The following SPOCK3 variants were observed in gnomAD, a reference collection of about 807,000 sequenced individuals.
SPOCK3 encodes the protein SPARC (osteonectin), cwcv and kazal like domains proteoglycan 3.
A neutral mutation model predicts 56.6 loss-of-function variants in SPOCK3; 30 were observed. The ratio of observed to expected loss-of-function variants is 0.53; its 90% CI spans 0.40 to 0.72. The LOEUF (loss-of-function observed/expected upper bound fraction) is 0.72. Among genes scored for constraint, SPOCK3 ranks in the 30% least tolerant of loss-of-function variants. SPOCK3 has a pLI of 0.00. For synonymous variants in SPOCK3, 196 were observed against 183.3 expected (o/e 1.07, Z -0.56); for missense variants, 527 against 530.0 (o/e 0.99, Z 0.06).
chr4:166,870,325 T>C (rs1732324266), intron 6 of SPOCK3, among the ~76,000 whole-genome samples: 1 of 152,074 alleles, frequency 6.6e-6, no homozygotes, highest in Non-Finnish European at 1.5e-5. Flanking sequence ...AAAAAATTAG[T>C]AAGTGTATCG....
intron 2 of SPOCK3, among the ~76,000 whole-genome samples, chr4:167,093,596 T>C (rs994078301): frequency 7.9e-5 from 12 of 152,330 alleles, no homozygotes; most frequent in African/African-American, 2.9e-4. Flanking sequence ...TCCAGCTTCA[T>C]CCATGTTCCT....
At chr4:167,150,276 T>C (rs1764305143) in intron 2 of SPOCK3, among the ~76,000 whole-genome samples, 1 of 152,138 alleles carries the variant, frequency 6.6e-6, no homozygotes, top group East Asian at 1.9e-4. Flanking sequence ...AAGGTCAGTG[T>C]GTAGACTATA....
intron 5 of SPOCK3, among the ~76,000 whole-genome samples, chr4:166,891,009 C>A (rs188026953): frequency 6.6e-6 from 1 of 151,926 alleles, no homozygotes; most frequent in South Asian, 2.1e-4. Context: ...CCATGTAATG[C>A]CCTTCTTTGT....
At chr4:167,121,715 T>C (rs373616184) in intron 2 of SPOCK3, among the ~76,000 whole-genome samples, 1 of 152,184 alleles carries the variant, frequency 6.6e-6, no homozygotes, top group African/African-American at 2.4e-5. Flanking sequence ...CCCCATTTCC[T>C]CACCCTTAGA....
intron 3 of SPOCK3, among the ~76,000 whole-genome samples, chr4:167,059,767 G>T (rs1332030184): frequency 6.6e-6 from 1 of 152,116 alleles, no homozygotes; most frequent in Non-Finnish European, 1.5e-5. Flanking sequence ...GTCCAACAAT[G>T]ATAGACTGGA....
In SPOCK3 at chr4:167,130,720, T is replaced by C. The variant is rs148385210; in HGVS notation, c.190-68183A>G. Among the ~76,000 whole-genome samples the C allele has an allele frequency of 1.9e-3, 288 of 152,202 alleles. 1 individual carries two copies. The highest frequency in any genetic ancestry group is 6.4e-3 in the African/African-American group (265 of 41,522). On this transcript the variant is annotated intron_variant, in intron 2 of 10. Coordinates refer to ENST00000357545, the MANE Select transcript of SPOCK3 (RefSeq NM_001040159.2). ...CATTTACAAGGTATGACTAACAATT[T>C]CTCCACTAGAAATGCTACATAAAAT...
At chr4:167,051,007 C>T (rs1030386051) in intron 3 of SPOCK3, among the ~76,000 whole-genome samples, 1 of 152,106 alleles carries the variant, frequency 6.6e-6, no homozygotes, top group Non-Finnish European at 1.5e-5. Context: ...TGGATAATAA[C>T]AATGATTGCA....
At chr4:167,123,004 T>C (rs1270333334) in intron 2 of SPOCK3, among the ~76,000 whole-genome samples, 1 of 151,718 alleles carries the variant, frequency 6.6e-6, no homozygotes, top group Admixed American at 6.6e-5. Flanking sequence ...AAAGAGATTA[T>C]TTAAAAAAAT....
intron 2 of SPOCK3, among the ~76,000 whole-genome samples, chr4:167,178,936 A>C (rs2110734735): frequency 6.6e-6 from 1 of 152,240 alleles, no homozygotes; most frequent in Non-Finnish European, 1.5e-5. Context: ...AGATGTTTGA[A>C]ATTATGTCAT....
chr4:166,764,283 G>A (rs555862284), intron 7 of SPOCK3, among the ~76,000 whole-genome samples: 16 of 151,832 alleles, frequency 1.1e-4, no homozygotes, highest in Admixed American at 3.3e-4. Flanking sequence ...GTTGGTGTGC[G>A]GCACCCATTA....
intron 4 of SPOCK3, among the ~76,000 whole-genome samples, chr4:166,942,333 C>G (rs1741177984): frequency 6.6e-6 from 1 of 151,910 alleles, no homozygotes; most frequent in Non-Finnish European, 1.5e-5. Flanking sequence ...GCCTCAGCCT[C>G]CCAAGTAGCT....
At chr4:166,790,228 G>A (rs921225436) in intron 7 of SPOCK3, among the ~76,000 whole-genome samples, 8 of 152,130 alleles carry the variant, frequency 5.3e-5, no homozygotes, top group Admixed American at 1.3e-4. Context: ...TTGGGAGAGA[G>A]ACAGAGACAT....
rs555479720 is a variant in SPOCK3 at position 167,184,475 on chromosome 4, T to C, written c.189+49510A>G. Among the ~76,000 whole-genome samples the C allele has an allele frequency of 2.0e-5, 3 of 152,314 alleles. No individual in the cohort carries two copies. In the South Asian group the frequency reaches 6.2e-4, roughly 32 times the overall value. ...GATAACATTTACTGAGCATTCACAC[T>C]GAGCCAGGTACCACTGCAGGAAGGC... On this transcript the variant is annotated intron_variant, in intron 2 of 10. Coordinates refer to ENST00000357545, the MANE Select transcript of SPOCK3 (RefSeq NM_001040159.2).
chr4:166,967,124 G>A (rs1194533912), intron 4 of SPOCK3, among the ~76,000 whole-genome samples: 1 of 152,082 alleles, frequency 6.6e-6, no homozygotes, highest in African/African-American at 2.4e-5. Context: ...TTAGTTCCCT[G>A]ATCTTTATCA....
intron 4 of SPOCK3, among the ~76,000 whole-genome samples, chr4:166,944,239 G>A (rs1347704341): frequency 6.6e-6 from 1 of 151,966 alleles, no homozygotes; most frequent in Admixed American, 6.6e-5. Flanking sequence ...TAACCTCAAA[G>A]GGAGGGGATT....
intron 4 of SPOCK3, among the ~76,000 whole-genome samples, chr4:166,977,884 T>C (rs1407507087): frequency 6.6e-6 from 1 of 152,168 alleles, no homozygotes. Flanking sequence ...TTTCTCCCTC[T>C]TGATAAAACT....
At chr4:166,902,979 C>T (rs1311631633) in intron 5 of SPOCK3, among the ~76,000 whole-genome samples, 1 of 150,358 alleles carries the variant, frequency 6.7e-6, no homozygotes, top group African/African-American at 2.4e-5. Flanking sequence ...ATTTAAAATA[C>T]AAATCTTGTC....
chr4:166,826,610 A>C (rs577169610), intron 6 of SPOCK3, among the ~76,000 whole-genome samples: 9 of 152,164 alleles, frequency 5.9e-5, no homozygotes, highest in Non-Finnish European at 1.0e-4. Context: ...TGAACTTAAT[A>C]GGCCAAAGAG....
intron 6 of SPOCK3, among the ~76,000 whole-genome samples, chr4:166,853,657 T>TG (rs1337708853): frequency 3.9e-5 from 6 of 151,970 alleles, no homozygotes; most frequent in Non-Finnish European, 7.4e-5. Flanking sequence ...CAGAGGTAGG[T>TG]GGATCACTTG....
Sources: allele counts gnomAD v4.1 joint callset (sites outside exome capture counted in the v4.1 genomes callset), GRCh38; gene constraint gnomAD v4.1.1; transcripts MANE v1.5; gene names NCBI Gene and HGNC (gene_info 2026-07-23, HGNC 2026-07-21).